Variants in STX11 observed in about 807,000 individuals in gnomAD.
The protein encoded by STX11 is syntaxin 11.
Under a neutral mutation model 19.9 loss-of-function variants are expected in STX11, and 21 were observed. That is an observed-to-expected ratio of 1.06 (90% CI 0.75 to 1.52). The LOEUF (loss-of-function observed/expected upper bound fraction) is 1.52. Among genes scored for constraint, STX11 ranks in the 40% most tolerant of loss-of-function variants. The pLI is 0.00. For synonymous variants in STX11, 193 were observed against 174.4 expected, an observed-to-expected ratio of 1.11 and a Z score of -0.84; for missense variants, 438 against 405.9, an observed-to-expected ratio of 1.08 and a Z score of -0.68.
In STX11 at chr6:144,190,932, C is replaced by A. The variant is rs1305477720; in HGVS notation, c.*3441C>A. 6.6e-6 allele frequency among the ~76,000 whole-genome samples: 1 copy of A among 152,138 alleles called. No individual in the cohort carries two copies. The highest frequency in any genetic ancestry group is 1.5e-5 in the Non-Finnish European group (1 of 68,028). On this transcript the variant is annotated 3_prime_UTR_variant, in exon 2 of 2. Transcript: ENST00000367568. The stretch of plus-strand genomic sequence containing the variant: ...GGCTTTTTCCTTAAGAAATTGTGTT[C>A]TAGTGCCACCAAGAGATGCTGTAGA...
Position 144,190,316 on chromosome 6 carries a change from C to G in STX11, c.*2825C>G, listed in dbSNP as rs1438343134. Among the ~76,000 whole-genome samples, 1 of 152,190 alleles carries G rather than the reference C, an allele frequency of 6.6e-6. No homozygotes were observed. The highest frequency in any genetic ancestry group is 1.5e-5 in the Non-Finnish European group (1 of 68,034). ...TTCCTCATCTGTAAAACGGAGATAA[C>G]AGTACTTACCTCATAGAGCTGTTGT... is the stretch of plus-strand genomic sequence containing the variant. On this transcript the variant is annotated 3_prime_UTR_variant, in exon 2 of 2. Coordinates refer to ENST00000367568, the MANE Select transcript of STX11 (RefSeq NM_003764.4).
rs945255611 is a variant in STX11 at position 144,155,483 on chromosome 6, G to A, written c.-6+4780G>A. Among the ~76,000 whole-genome samples the A allele has an allele frequency of 2.0e-5, 3 of 152,218 alleles. No individual in the cohort carries two copies. Among genetic ancestry groups the A allele is most frequent in the Non-Finnish European group, 4.4e-5 (3 of 68,036 alleles). Reference sequence around the variant, plus strand: ...ATTTATAGTTGCCCATGAAATGAGAGTGACATGAAGCCTCGCAGGGTAATA... The same window carrying A: ...ATTTATAGTTGCCCATGAAATGAGAATGACATGAAGCCTCGCAGGGTAATA... On this transcript the variant is annotated intron_variant, in intron 1 of 1. Transcript: ENST00000367568. The surrounding 1 kb of genome is among the most constrained non-coding windows in gnomAD (Gnocchi z 4.5).
rs534687286 is a variant in STX11 at position 144,166,852 on chromosome 6, TCCCTC to T, written c.-6+16165_-6+16169del. Among the ~76,000 whole-genome samples, 249 of 129,256 alleles carry T rather than the reference TCCCTC, an allele frequency of 1.9e-3. 1 individual carries two copies. Among genetic ancestry groups the T allele is most frequent in the African/African-American group, 5.9e-3 (206 of 34,622 alleles). 84.8% of individuals were successfully genotyped at this position (129,256 alleles called of 152,430 possible). On this transcript the variant is annotated intron_variant, in intron 1 of 1. Coordinates refer to ENST00000367568, the MANE Select transcript of STX11 (RefSeq NM_003764.4). ...CACCTTCCCCCTTTCCCCCTTCCCT[TCCCTC>T]CCCTCCCCTCCCCTCTCCTTCCCTT... is the stretch of plus-strand genomic sequence containing the variant.
At position 144,186,952 on chromosome 6, in the gene STX11, G is replaced by T; in HGVS notation, c.325G>T (p.Glu109Ter). The T allele has an allele frequency of 6.2e-7, 1 of 1,609,318 alleles. No homozygotes were observed. ...CCACTGCAAGCTGCGCGCCATGAAG[G>T]AGCTGAGCGAGGCGGCTGAGGCCCA... ...VIHCKLRAMK[E>*]LSEAAEAQHG... The change falls in exon 2 of 2, where the codon GAG becomes TAG. Residue 109 changes from glutamate to a stop codon, truncating the protein, a stop_gained. Coordinates refer to ENST00000367568, the MANE Select transcript of STX11 (RefSeq NM_003764.4). LOFTEE classifies it high-confidence loss of function.
In STX11 at chr6:144,167,114, T is replaced by A. The variant is rs117547315; in HGVS notation, c.-6+16411T>A. ...CACTGTCTCTTAAGTGTTGGCAACCTTCTGGTATAGAAAAGAATCTGGAAG... is the reference window on the plus strand; with the variant it reads ...CACTGTCTCTTAAGTGTTGGCAACCATCTGGTATAGAAAAGAATCTGGAAG... On this transcript the variant is annotated intron_variant, in intron 1 of 1. Transcript: ENST00000367568. This position sits in a 1 kb window ranked among gnomAD's most constrained non-coding sequence, Gnocchi z 5.0. Among the ~76,000 whole-genome samples the A allele has an allele frequency of 5.6e-3, 851 of 152,332 alleles. 5 individuals carry two copies. The highest frequency in any genetic ancestry group is 0.011 in the South Asian group (54 of 4,826).
chr6:144,150,176 C>T (rs927305325), upstream of STX11, among the ~76,000 whole-genome samples: 1 of 152,262 alleles, frequency 6.6e-6, no homozygotes, highest in Non-Finnish European at 1.5e-5. Flanking sequence ...GGCAACGCAC[C>T]GGACTGCAAA....
chr6:144,149,385 T>C (rs1456193940), upstream of STX11, among the ~76,000 whole-genome samples: 1 of 152,218 alleles, frequency 6.6e-6, no homozygotes, highest in Non-Finnish European at 1.5e-5. The surrounding 1 kb of genome is among the most constrained non-coding windows in gnomAD (Gnocchi z 5.1). Flanking sequence ...GTTGCTCAAA[T>C]GGTTCCATCT....
Position 144,153,228 on chromosome 6 carries a change from C to T in STX11, c.-6+2525C>T, listed in dbSNP as rs1031273740. On this transcript the variant is annotated intron_variant, in intron 1 of 1. Transcript: ENST00000367568. The surrounding 1 kb of genome is among the most constrained non-coding windows in gnomAD (Gnocchi z 5.0). ...CCAAACTTTATTCCTCCTTTGAGAG[C>T]CCTAAAGTTACTTTTTCTATGAGAA... 3.3e-5 allele frequency among the ~76,000 whole-genome samples: 5 copies of T among 152,190 alleles called. No individual in the cohort carries two copies. The South Asian group carries it at 8.3e-4, about 25-fold the overall frequency.
rs377377184 is a variant in STX11 at position 144,190,750 on chromosome 6, G to A, written c.*3259G>A. Among the ~76,000 whole-genome samples the A allele has an allele frequency of 1.7e-3, 258 of 152,258 alleles. 1 individual carries two copies. Among genetic ancestry groups the A allele is most frequent in the African/African-American group, 5.8e-3 (241 of 41,556 alleles). On this transcript the variant is annotated 3_prime_UTR_variant, in exon 2 of 2. Transcript: ENST00000367568. ...GGTGTTCTTTCCTAATTCTTCCCAA[G>A]CTGTGAGTCAGAAAGTCCTGGAAGG...
the STX11 span, among the ~76,000 whole-genome samples, chr6:144,143,087 A>G: frequency 6.6e-6 from 1 of 152,296 alleles, no homozygotes; most frequent in African/African-American, 2.4e-5. Flanking sequence ...GTTTCCATCA[A>G]TTTATTTCTA....
At chr6:144,156,191 A>G (rs1171838522) in intron 1 of STX11, among the ~76,000 whole-genome samples, 1 of 151,294 alleles carries the variant, frequency 6.6e-6, no homozygotes, top group South Asian at 2.1e-4. Flanking sequence ...CAGTCTCCCA[A>G]GCAGCTGGAA....
At position 144,169,301 on chromosome 6, in the gene STX11, CTTG is replaced by C. The variant is rs1377097125; in HGVS notation, c.-5-17317_-5-17315del. On this transcript the variant is annotated intron_variant, in intron 1 of 1. Coordinates refer to ENST00000367568, the MANE Select transcript of STX11 (RefSeq NM_003764.4). This position sits in a 1 kb window ranked among gnomAD's most constrained non-coding sequence, Gnocchi z 5.2. ...GGTGATGTTTTATCAGCATTGCAAA[CTTG>C]TTGTGGAGTCAAATTTTCATCAGCA... Among the ~76,000 whole-genome samples, 4 of 152,188 alleles carry C rather than the reference CTTG, an allele frequency of 2.6e-5. No homozygotes were observed. The highest frequency in any genetic ancestry group is 1.9e-4 in the East Asian group (1 of 5,200).
intron 1 of STX11, among the ~76,000 whole-genome samples, chr6:144,178,013 A>C (rs1198624848): frequency 6.6e-6 from 1 of 152,200 alleles, no homozygotes; most frequent in African/African-American, 2.4e-5. Flanking sequence ...CAGTATTTCC[A>C]TGTGTTAATC....
At chr6:144,140,242 ATATATATATATATTTATT>A in the STX11 span, among the ~76,000 whole-genome samples, 56 of 49,268 alleles carry the variant, frequency 1.1e-3, 2 homozygotes, top group African/African-American at 7.5e-3. Flanking sequence ...ATATATATAT[ATATATATATATATTTATT>A]TATTTATTTT....
rs918288953 is a variant in STX11 at position 144,159,831 on chromosome 6, T to C, written c.-6+9128T>C. Among the ~76,000 whole-genome samples the C allele has an allele frequency of 6.6e-6, 1 of 152,140 alleles. No homozygotes were observed. Among genetic ancestry groups the C allele is most frequent in the East Asian group, 1.9e-4 (1 of 5,194 alleles). ...TGCTTTTGGGTCTTGTTGGAGACAG[T>C]GGGTGAAGTGCATTGCCCCAGAAGT... On this transcript the variant is annotated intron_variant, in intron 1 of 1. Coordinates refer to ENST00000367568, the MANE Select transcript of STX11 (RefSeq NM_003764.4). This position sits in a 1 kb window ranked among gnomAD's most constrained non-coding sequence, Gnocchi z 4.3.
At chr6:144,140,244 ATATATATATATTTATT>A in the STX11 span, among the ~76,000 whole-genome samples, 19 of 50,406 alleles carry the variant, frequency 3.8e-4, no homozygotes, top group African/African-American at 2.8e-3. Context: ...ATATATATAT[ATATATATATATTTATT>A]TATTTATTTT....
rs1207523464 is a variant in STX11 at position 144,165,386 on chromosome 6, C to T, written c.-6+14683C>T. Among the ~76,000 whole-genome samples, 3 of 151,490 alleles carry T rather than the reference C, an allele frequency of 2.0e-5. No individual in the cohort carries two copies. The highest frequency in any genetic ancestry group is 6.6e-5 in the Admixed American group (1 of 15,216). The stretch of plus-strand genomic sequence containing the variant: ...AGGAGAATTGCTTGAACCCGGGAGG[C>T]GGAGGTTGCGGTGAGCAGAGATCGC... On this transcript the variant is annotated intron_variant, in intron 1 of 1. Transcript: ENST00000367568. This position sits in a 1 kb window ranked among gnomAD's most constrained non-coding sequence, Gnocchi z 5.8.
chr6:144,150,216 G>A (rs949315120), upstream of STX11, among the ~76,000 whole-genome samples: 15 of 152,278 alleles, frequency 9.9e-5, no homozygotes, highest in African/African-American at 3.4e-4. Context: ...ATTCCCGGGG[G>A]AAGTCCAGCG....
intron 1 of STX11, among the ~76,000 whole-genome samples, chr6:144,157,890 A>G (rs1298789816): frequency 1.3e-5 from 2 of 152,064 alleles, no homozygotes; most frequent in African/African-American, 4.8e-5. Flanking sequence ...TCTCTCTTTC[A>G]AGCCCTTGAA....
Sources: allele counts gnomAD v4.1 joint callset (sites outside exome capture counted in the v4.1 genomes callset), GRCh38; gene constraint gnomAD v4.1.1; non-coding constraint Gnocchi (gnomAD v3.1); transcripts MANE v1.5; gene names NCBI Gene and HGNC (gene_info 2026-07-23, HGNC 2026-07-21).